OIT3: variants seen among roughly 807,000 people sequenced by gnomAD.
OIT3 encodes oncoprotein induced transcript 3, also known as oncoprotein-induced transcript 3 protein.
OIT3 carries 41 observed loss-of-function variants against 52.2 expected under a neutral mutation model. That is an observed-to-expected ratio of 0.79 (90% CI 0.61 to 1.02). The LOEUF (loss-of-function observed/expected upper bound fraction) is 1.02. Ranked by LOEUF, OIT3 falls within the 50% of genes least tolerant of loss-of-function variation. The probability of loss-of-function intolerance (pLI) is 0.00; values close to 1 mark genes in which losing one functional copy is unlikely to be tolerated. For synonymous variants in OIT3, 244 were observed against 276.9 expected, an observed-to-expected ratio of 0.88 and a Z score of 1.18; for missense variants, 634 against 715.5, an observed-to-expected ratio of 0.89 and a Z score of 1.30.
At chr10:72,922,493 A>C (rs563804155) in intron 6 of OIT3, among the ~76,000 whole-genome samples, 1 of 152,000 alleles carries the variant, frequency 6.6e-6, no homozygotes, top group East Asian at 1.9e-4. Flanking sequence ...TTGCAATTGC[A>C]TTATGAAATT....
In OIT3 at chr10:72,898,679, C is replaced by A. The variant is rs1226960578; in HGVS notation, c.77C>A (p.Ser26Tyr). The A allele has an allele frequency of 4.3e-6, 7 of 1,609,874 alleles. No homozygotes were observed. The highest frequency in any genetic ancestry group is 5.9e-6 in the Non-Finnish European group (7 of 1,176,570). The change falls in exon 2 of 9, where the codon TCT becomes TAT. Residue 26 changes from serine to tyrosine, a missense_variant. Ser to Tyr is a moderately radical substitution (Grantham distance 144). Transcript: ENST00000334011. ...SVSPVALDPC[S>Y]AYISLNEPWR... Reference sequence around the variant, plus strand: ...TCATTTCCAGCCCTAGATCCTTGTTCTGCTTACATCAGCCTGAATGAGCCC... The same window carrying A: ...TCATTTCCAGCCCTAGATCCTTGTTATGCTTACATCAGCCTGAATGAGCCC...
At chr10:72,915,407 A>G (rs1846064163) in intron 6 of OIT3, among the ~76,000 whole-genome samples, 1 of 152,232 alleles carries the variant, frequency 6.6e-6, no homozygotes. Flanking sequence ...TAATTTCTTT[A>G]GCAATTAAGT....
intron 2 of OIT3, among the ~76,000 whole-genome samples, chr10:72,899,738 TAGA>T (rs1156640460): frequency 5.3e-5 from 8 of 151,056 alleles, no homozygotes; most frequent in Non-Finnish European, 1.0e-4. Context: ...GATAGATAGA[TAGA>T]TAGATAGATA....
In OIT3 at chr10:72,932,793, T is replaced by A. The variant is rs1846230787; in HGVS notation, c.*269T>A. ...AAAGACACTCACCCCATTTCCCTCA[T>A]TTCTTTCCTACACTTAAATACCTCG... On this transcript the variant is annotated 3_prime_UTR_variant, in exon 9 of 9. Coordinates refer to ENST00000334011, the MANE Select transcript of OIT3 (RefSeq NM_152635.3). 1 of 364,422 alleles carries A rather than the reference T, an allele frequency of 2.7e-6. No homozygotes were observed. Among genetic ancestry groups the A allele is most frequent in the South Asian group, 8.9e-5 (1 of 11,202 alleles). 22.6% of individuals were successfully genotyped at this position (364,422 alleles called of 1,614,324 possible).
Position 72,932,410 on chromosome 10 carries a change from C to G in OIT3, c.1524C>G (p.Arg508=). 6.2e-7 allele frequency: 1 copy of G among 1,614,208 alleles called. No individual in the cohort carries two copies. The highest frequency in any genetic ancestry group is 8.5e-7 in the Non-Finnish European group (1 of 1,180,016). ...LVCGVLDERS[R]CAQGCHRRMR... is the part of the protein sequence containing the mutation. ...GTGGAGTGTTGGACGAGCGTTCCCG[C>G]TGTGCCCAGGGTTGCCACCGGCGAA... is the stretch of plus-strand genomic sequence containing the variant. The change falls in exon 9 of 9, where the codon CGC becomes CGG. Residue 508 remains arginine (R), a synonymous_variant. Transcript: ENST00000334011.
Position 72,932,407 on chromosome 10 carries a change from C to T in OIT3, c.1521C>T (p.Ser507=), listed in dbSNP as rs748857645. ...VLVCGVLDER[S]RCAQGCHRRM... The stretch of plus-strand genomic sequence containing the variant: ...TCTGTGGAGTGTTGGACGAGCGTTC[C>T]CGCTGTGCCCAGGGTTGCCACCGGC... The change falls in exon 9 of 9, where the codon TCC becomes TCT. Residue 507 remains serine, a synonymous_variant. Coordinates refer to ENST00000334011, the MANE Select transcript of OIT3 (RefSeq NM_152635.3). 1.2e-6 allele frequency: 2 copies of T among 1,614,214 alleles called. No individual in the cohort carries two copies. Among genetic ancestry groups the T allele is most frequent in the Non-Finnish European group, 1.7e-6 (2 of 1,180,032 alleles).
Position 72,924,482 on chromosome 10 carries a change from C to T in OIT3, c.1205C>T (p.Pro402Leu), listed in dbSNP as rs757210538. Residue 402 changes from proline (P) to leucine (L), a missense_variant, in exon 7 of 9, where the codon CCT becomes CTT. By Grantham distance (98) the Pro-to-Leu change is moderately conservative. Transcript: ENST00000334011. ...TTCAAGGACAATGAGTTTGAAGAGC[C>T]TTACCGGGAAGCTCTGCCCACCCTC... is the stretch of plus-strand genomic sequence containing the variant. Reference protein sequence around the residue: ...EIFKDNEFEEPYREALPTLKL... With the variant: ...EIFKDNEFEELYREALPTLKL... 1 of 1,614,176 alleles carries T rather than the reference C, an allele frequency of 6.2e-7. No individual in the cohort carries two copies. Among genetic ancestry groups the T allele is most frequent in the Non-Finnish European group, 8.5e-7 (1 of 1,180,026 alleles).
chr10:72,920,600 C>T (rs1280535574), intron 6 of OIT3, among the ~76,000 whole-genome samples: 2 of 152,078 alleles, frequency 1.3e-5, no homozygotes, highest in Non-Finnish European at 2.9e-5. Flanking sequence ...CACTGCCTAA[C>T]CTGTGCCCCT....
At chr10:72,913,846 T>C (rs1589525825) in intron 6 of OIT3, among the ~76,000 whole-genome samples, 1 of 152,336 alleles carries the variant, frequency 6.6e-6, no homozygotes, top group East Asian at 1.9e-4. Flanking sequence ...AGTTCAAGTA[T>C]TGAACCAGGT....
chr10:72,931,675 T>A (rs1398699492), intron 8 of OIT3, among the ~76,000 whole-genome samples: 1 of 152,212 alleles, frequency 6.6e-6, no homozygotes, highest in Non-Finnish European at 1.5e-5. Flanking sequence ...ACATAAAAAC[T>A]GTTGTCATAA....
At chr10:72,895,591 C>T (rs1845868695) in intron 1 of OIT3, among the ~76,000 whole-genome samples, 1 of 152,156 alleles carries the variant, frequency 6.6e-6, no homozygotes, top group Non-Finnish European at 1.5e-5. Context: ...AAAGGAGGGG[C>T]ACTTCCCGAC....
intron 4 of OIT3, 26 bp from the exon 5 acceptor site, chr10:72,911,691 C>G (rs1261905743): frequency 2.5e-6 from 4 of 1,608,038 alleles, no homozygotes; most frequent in Non-Finnish European, 8.5e-7. Context: ...CGAGATTATT[C>G]CCTTTTCTGT....
intron 6 of OIT3, among the ~76,000 whole-genome samples, chr10:72,917,210 G>T (rs1451733678): frequency 1.3e-5 from 2 of 151,904 alleles, no homozygotes; most frequent in East Asian, 3.9e-4. Flanking sequence ...ATTGCTTTTG[G>T]CATCTTCATC....
intron 2 of OIT3, among the ~76,000 whole-genome samples, chr10:72,899,736 GATAGA>G: frequency 6.6e-6 from 1 of 151,278 alleles, no homozygotes; most frequent in Admixed American, 6.6e-5. Context: ...TAGATAGATA[GATAGA>G]TAGATAGATA....
intron 3 of OIT3, among the ~76,000 whole-genome samples, chr10:72,904,346 T>C (rs1335416689): frequency 6.6e-6 from 1 of 152,164 alleles, no homozygotes; most frequent in Non-Finnish European, 1.5e-5. Context: ...GGGTTTTGTC[T>C]GCGGCTTGTC....
intron 6 of OIT3, among the ~76,000 whole-genome samples, chr10:72,920,827 G>A (rs754761540): frequency 1.5e-4 from 23 of 152,150 alleles, no homozygotes; most frequent in Non-Finnish European, 8.8e-5. Flanking sequence ...CATTTGCTGA[G>A]GAGTGTTTTA....
chr10:72,911,615 G>A, intron 4 of OIT3, 102 bp from the exon 5 acceptor site: 2 of 1,236,824 alleles, frequency 1.6e-6, no homozygotes, highest in Non-Finnish European at 2.2e-6. Context: ...TAGGCACCAG[G>A]GATGCTGCCA....
At chr10:72,908,676 T>G (rs1846001825) in intron 4 of OIT3, among the ~76,000 whole-genome samples, 1 of 152,152 alleles carries the variant, frequency 6.6e-6, no homozygotes, top group Non-Finnish European at 1.5e-5. Flanking sequence ...AATAAAATGT[T>G]CCATAAAAAC....
chr10:72,922,957 C>A (rs557851102), intron 6 of OIT3, among the ~76,000 whole-genome samples: 15 of 152,226 alleles, frequency 9.9e-5, no homozygotes, highest in Non-Finnish European at 1.8e-4. Flanking sequence ...CTCACTGCAA[C>A]CTTTGTCTCC....
Sources: gnomAD v4.1 joint callset for allele counts (sites outside exome capture counted in the v4.1 genomes callset) on GRCh38, gnomAD v4.1.1 for gene constraint, MANE v1.5 for transcripts, NCBI Gene and HGNC (gene_info 2026-07-23, HGNC 2026-07-21) for gene names.